Variants in PODXL2 observed in about 807,000 individuals in gnomAD.
The protein encoded by PODXL2 is podocalyxin-like protein 2.
Under a neutral mutation model 53.4 loss-of-function variants are expected in PODXL2, and 17 were observed. The ratio of observed to expected loss-of-function variants is 0.32; its 90% CI spans 0.22 to 0.48. The LOEUF (loss-of-function observed/expected upper bound fraction) is 0.48, where lower values mean the gene tolerates loss of function less well. Ranked by LOEUF, PODXL2 falls within the 20% of genes least tolerant of loss-of-function variation. The probability of loss-of-function intolerance (pLI) is 0.99; values close to 1 mark genes in which losing one functional copy is unlikely to be tolerated. For synonymous variants in PODXL2, 311 were observed against 306.7 expected, an observed-to-expected ratio of 1.01 and a Z score of -0.15; for missense variants, 673 against 760.0, an observed-to-expected ratio of 0.89 and a Z score of 1.35.
At position 127,660,879 on chromosome 3, in the gene PODXL2, A is replaced by G. The variant is rs2074762988; in HGVS notation, c.851A>G (p.Glu284Gly). 2 of 1,614,240 alleles carry G rather than the reference A, an allele frequency of 1.2e-6. No individual in the cohort carries two copies. The highest frequency in any genetic ancestry group is 1.3e-5 in the African/African-American group (1 of 75,064). Residue 284 changes from glutamate to glycine, a missense_variant, in exon 3 of 8, where the codon GAA becomes GGA. Around this residue, in one of 3 missense-constraint regions of PODXL2, gnomAD observed 588 missense variants for 668.3 expected, o/e 0.88. Coordinates refer to ENST00000342480, the MANE Select transcript of PODXL2 (RefSeq NM_015720.4). ...GGGGTAGAGTTCGAGGCTCCTCAGGAAGCAAGCGAGGAAGCCACTGCAGGA... is the reference window on the plus strand; with the variant it reads ...GGGGTAGAGTTCGAGGCTCCTCAGGGAGCAAGCGAGGAAGCCACTGCAGGA... ...GLGVEFEAPQ[E>G]ASEEATAGAA...
At chr3:127,655,967 GT>G (rs2074720950) in intron 2 of PODXL2, among the ~76,000 whole-genome samples, 1 of 152,262 alleles carries the variant, frequency 6.6e-6, no homozygotes, top group South Asian at 2.1e-4. Flanking sequence ...AGTCTGTGCA[GT>G]GACGGGAGGG....
rs886135337 is a variant in PODXL2 at position 127,671,480 on chromosome 3, C to A, written c.1472C>A (p.Ala491Asp). ...YSTTSSCQAR[A>D]SQVRSDYGTL... ...ACAACCAGCAGCTGCCAGGCGCGGG[C>A]CAGCCAGGTGCGCAGCGACTACGGC... Residue 491 changes from alanine (A) to aspartate (D), a missense_variant, in exon 7 of 8, where the codon GCC (alanine) becomes GAC (aspartate). Physicochemically the swap from Ala to Asp is moderately radical, Grantham distance 126. Transcript: ENST00000342480. 2 of 1,614,148 alleles carry A rather than the reference C, an allele frequency of 1.2e-6. No individual in the cohort carries two copies. Among genetic ancestry groups the A allele is most frequent in the African/African-American group, 1.3e-5 (1 of 75,060 alleles).
intron 2 of PODXL2, among the ~76,000 whole-genome samples, chr3:127,642,641 GA>G (rs1194498355): frequency 1.3e-5 from 2 of 152,056 alleles, no homozygotes; most frequent in African/African-American, 4.8e-5. Context: ...AGTTTGATAG[GA>G]AAAATTATAA....
At chr3:127,671,888 G>A (rs2074845647) in intron 7 of PODXL2, among the ~76,000 whole-genome samples, 4 of 152,192 alleles carry the variant, frequency 2.6e-5, no homozygotes, top group Admixed American at 2.6e-4. Flanking sequence ...CAGGGCCTGA[G>A]CACCTGAATA....
At chr3:127,650,265 G>A (rs1227568409) in intron 2 of PODXL2, among the ~76,000 whole-genome samples, 3 of 152,166 alleles carry the variant, frequency 2.0e-5, no homozygotes, top group Non-Finnish European at 4.4e-5. Context: ...GAGTGACTTC[G>A]ATAAACTGGG....
At chr3:127,657,105 G>C (rs1464058013) in intron 2 of PODXL2, among the ~76,000 whole-genome samples, 1 of 152,222 alleles carries the variant, frequency 6.6e-6, no homozygotes, top group African/African-American at 2.4e-5. Context: ...GCGCAGATAA[G>C]TTAGTGGCTG....
intron 2 of PODXL2, among the ~76,000 whole-genome samples, chr3:127,652,820 A>G (rs2074698057): frequency 6.6e-6 from 1 of 152,064 alleles, no homozygotes; most frequent in South Asian, 2.1e-4. Context: ...TGGGGTAGGA[A>G]GGGATTCCCT....
At position 127,661,061 on chromosome 3, in the gene PODXL2, C is replaced by T. The variant is rs543051780; in HGVS notation, c.1033C>T (p.Pro345Ser). The T allele has an allele frequency of 2.1e-4, 339 of 1,614,236 alleles. 3 individuals are homozygous for T. In the South Asian group the frequency reaches 3.5e-3, roughly 17 times the overall value. The change falls in exon 3 of 8, where the codon CCT becomes TCT. Residue 345 changes from proline (P) to serine (S), a missense_variant. Coordinates refer to ENST00000342480, the MANE Select transcript of PODXL2 (RefSeq NM_015720.4). ...GGCCCCTGGAGACATGGAACTGACACCTTCCTCTGCTACCTTGGGACAAGA... is the reference window on the plus strand; with the variant it reads ...GGCCCCTGGAGACATGGAACTGACATCTTCCTCTGCTACCTTGGGACAAGA... ...PLAPGDMELT[P>S]SSATLGQEDL...
At chr3:127,669,087 G>T (rs2074814076) in intron 5 of PODXL2, 54 bp from the exon 6 acceptor site, 10 of 1,263,230 alleles carry the variant, frequency 7.9e-6, no homozygotes, top group Non-Finnish European at 1.1e-5. Context: ...AGCCCTTGGA[G>T]GGGCACGCAC....
chr3:127,660,774 C>G lies in PODXL2; in HGVS notation c.746C>G (p.Thr249Ser), dbSNP rs778298278. 6.2e-7 allele frequency: 1 copy of G among 1,614,106 alleles called. No individual in the cohort carries two copies. The highest frequency in any genetic ancestry group is 1.7e-5 in the Admixed American group (1 of 60,014). The part of the protein sequence containing the change: ...MGPSLLLPSV[T>S]PTTVTPGDQD... Reference sequence around the variant, plus strand: ...CCCAGCTTGCTGCTGCCTTCAGTCACCCCAACTACAGTGACTCCGGGGGAC... The same window carrying G: ...CCCAGCTTGCTGCTGCCTTCAGTCAGCCCAACTACAGTGACTCCGGGGGAC... The change falls in exon 3 of 8, where the codon ACC becomes AGC. Residue 249 changes from threonine (T) to serine (S), a missense_variant. Physicochemically the swap from Thr to Ser is moderately conservative, Grantham distance 58. Transcript: ENST00000342480.
At chr3:127,655,014 C>T (rs1029228042) in intron 2 of PODXL2, among the ~76,000 whole-genome samples, 1 of 152,156 alleles carries the variant, frequency 6.6e-6, no homozygotes, top group African/African-American at 2.4e-5. Context: ...GCAATCTCGG[C>T]TCACTGGAAC....
chr3:127,642,611 T>G (rs949971571), intron 2 of PODXL2, among the ~76,000 whole-genome samples: 9 of 152,072 alleles, frequency 5.9e-5, no homozygotes, highest in Non-Finnish European at 1.2e-4. Flanking sequence ...CCCCACCAAG[T>G]GTTCTCTCTT....
chr3:127,663,823 T>A (rs1332220477), intron 4 of PODXL2, among the ~76,000 whole-genome samples: 2 of 152,204 alleles, frequency 1.3e-5, no homozygotes, highest in East Asian at 3.9e-4. Context: ...ACCCTTGAAC[T>A]TTTGGTGTGC....
At chr3:127,646,045 C>G (rs916478906) in intron 2 of PODXL2, among the ~76,000 whole-genome samples, 2 of 152,242 alleles carry the variant, frequency 1.3e-5, no homozygotes, top group African/African-American at 4.8e-5. Flanking sequence ...GAAAACCATG[C>G]TGCAGACAGG....
chr3:127,650,111 TAA>T (rs1179717307), intron 2 of PODXL2, among the ~76,000 whole-genome samples: 1 of 152,190 alleles, frequency 6.6e-6, no homozygotes, highest in African/African-American at 2.4e-5. Flanking sequence ...AAGGGACATT[TAA>T]AGTGATCTTT....
At chr3:127,643,754 T>G (rs1004390946) in intron 2 of PODXL2, among the ~76,000 whole-genome samples, 41 of 152,106 alleles carry the variant, frequency 2.7e-4, no homozygotes, top group African/African-American at 9.9e-4. Context: ...TCCTCCTGCT[T>G]CAGCCTCCCA....
At chr3:127,636,593 G>A (rs956345874) in intron 1 of PODXL2, among the ~76,000 whole-genome samples, 8 of 152,254 alleles carry the variant, frequency 5.3e-5, no homozygotes, top group Admixed American at 1.3e-4. Flanking sequence ...CAGGCTCTGG[G>A]AACATGACTT....
chr3:127,643,164 A>T lies in PODXL2; in HGVS notation c.349+3641A>T, dbSNP rs140026737. Among the ~76,000 whole-genome samples, 79 of 152,150 alleles carry T rather than the reference A, an allele frequency of 5.2e-4. 1 individual carries two copies. Among genetic ancestry groups the T allele is most frequent in the African/African-American group, 1.9e-3 (77 of 41,434 alleles). On this transcript the variant is annotated intron_variant, in intron 2 of 7. Transcript: ENST00000342480. ...CAGTTTGTCAACTGCTTGTATTTTT[A>T]TTATAATTTTTGGCATAAAGAAATT...
At chr3:127,663,164 T>C (rs906955043) in intron 4 of PODXL2, among the ~76,000 whole-genome samples, 1 of 152,170 alleles carries the variant, frequency 6.6e-6, no homozygotes, top group Non-Finnish European at 1.5e-5. Flanking sequence ...CGGGAAGAAC[T>C]AGGGACCCAG....
Sources: gnomAD v4.1 joint callset for allele counts (sites outside exome capture counted in the v4.1 genomes callset) on GRCh38, gnomAD v4.1.1 for gene constraint, gnomAD v4.1.1 regional missense constraint, MANE v1.5 for transcripts, NCBI Gene and HGNC (gene_info 2026-07-23, HGNC 2026-07-21) for gene names.